The following BRD10 variants were observed in gnomAD, a reference collection of about 807,000 sequenced individuals.
The protein encoded by BRD10 is bromodomain containing 10.
At chr9:5,881,641 G>A in the BRD10 span, 1 of 152,194 alleles carries the variant, frequency 6.6e-6, no homozygotes, top group Admixed American at 6.5e-5. Context: ...GCCCTTTCTT[G>A]TCAGCAAACC....
chr9:5,885,954 C>A, the BRD10 span, among the ~76,000 whole-genome samples: 1 of 152,168 alleles, frequency 6.6e-6, no homozygotes, highest in African/African-American at 2.4e-5. Context: ...TCAGGCATAA[C>A]CCTGAAGTTC....
chr9:5,921,414 T>G, the BRD10 span: 1 of 1,613,976 alleles, frequency 6.2e-7, no homozygotes, highest in South Asian at 1.1e-5. Flanking sequence ...AGAGTTTGTT[T>G]TAATGATTCT....
the BRD10 span, among the ~76,000 whole-genome samples, chr9:5,982,264 C>T: frequency 1.3e-5 from 2 of 152,064 alleles, no homozygotes; most frequent in Non-Finnish European, 2.9e-5. Flanking sequence ...ATATATAAAA[C>T]ATACATTTTC....
the BRD10 span, among the ~76,000 whole-genome samples, chr9:5,945,838 C>T: frequency 1.3e-5 from 2 of 151,584 alleles, no homozygotes; most frequent in South Asian, 2.1e-4. Flanking sequence ...AAACTACAAC[C>T]GAATAGAGAG....
the BRD10 span, among the ~76,000 whole-genome samples, chr9:5,997,502 G>C: frequency 6.6e-6 from 1 of 151,760 alleles, no homozygotes; most frequent in Non-Finnish European, 1.5e-5. Context: ...TAAAGTCACA[G>C]TAATAAAGTT....
the BRD10 span, among the ~76,000 whole-genome samples, chr9:5,961,817 T>A: frequency 6.6e-6 from 1 of 152,156 alleles, no homozygotes; most frequent in African/African-American, 2.4e-5. Flanking sequence ...TTACCCAAAC[T>A]GCCTCAAACT....
At chr9:5,901,527 C>CT in the BRD10 span, among the ~76,000 whole-genome samples, 30 of 151,002 alleles carry the variant, frequency 2.0e-4, no homozygotes, top group South Asian at 2.1e-3. Context: ...TTCTCTTTTT[C>CT]TTTTTTTTTG....
chr9:5,965,512 T>A, the BRD10 span, among the ~76,000 whole-genome samples: 1 of 152,224 alleles, frequency 6.6e-6, no homozygotes, highest in Admixed American at 6.5e-5. Context: ...CTTTGTTTTA[T>A]TTAGTCTAAT....
At chr9:6,008,396 G>A in the BRD10 span, 5 of 689,998 alleles carry the variant, frequency 7.2e-6, no homozygotes, top group South Asian at 6.4e-5. Flanking sequence ...GGGAGAGAAG[G>A]GGGAGGGCAC....
At chr9:5,940,233 G>C in the BRD10 span, among the ~76,000 whole-genome samples, 1 of 152,078 alleles carries the variant, frequency 6.6e-6, no homozygotes, top group Non-Finnish European at 1.5e-5. Context: ...GAGTGCACTG[G>C]TACAATCTTG....
the BRD10 span, among the ~76,000 whole-genome samples, chr9:5,935,486 T>C: frequency 6.6e-6 from 1 of 152,340 alleles, no homozygotes; most frequent in African/African-American, 2.4e-5. Flanking sequence ...GACAATGTGC[T>C]ACCATTTTCA....
the BRD10 span, chr9:5,921,567 A>G: frequency 6.2e-7 from 1 of 1,613,920 alleles, no homozygotes; most frequent in Non-Finnish European, 8.5e-7. Context: ...GATGGAGCTG[A>G]TACCAGCATA....
the BRD10 span, among the ~76,000 whole-genome samples, chr9:5,884,007 C>T: frequency 6.6e-6 from 1 of 152,140 alleles, no homozygotes; most frequent in Admixed American, 6.5e-5. Flanking sequence ...CAGTCTTACA[C>T]ACCAAAAACA....
At chr9:6,007,662 G>A in the BRD10 span, 3 of 1,606,688 alleles carry the variant, frequency 1.9e-6, no homozygotes, top group Non-Finnish European at 2.5e-6. Context: ...TCCTTCCGTG[G>A]GCCGGCCCTG....
chr9:5,937,085 C>T, the BRD10 span, among the ~76,000 whole-genome samples: 1 of 151,642 alleles, frequency 6.6e-6, no homozygotes, highest in South Asian at 2.1e-4. Flanking sequence ...CAAAAATATG[C>T]TGGGTGTGGT....
the BRD10 span, chr9:5,919,951 A>T: frequency 6.2e-6 from 10 of 1,613,904 alleles, no homozygotes; most frequent in Middle Eastern, 1.6e-4. Context: ...AAGATGTCTT[A>T]GCCAAAAGAG....
At chr9:5,909,101 C>T in the BRD10 span, 3 of 246,344 alleles carry the variant, frequency 1.2e-5, no homozygotes, top group Non-Finnish European at 2.4e-5. Context: ...ATGAACTGTA[C>T]ACAGAATTGT....
the BRD10 span, chr9:5,920,110 G>GC: frequency 6.2e-7 from 1 of 1,613,914 alleles, no homozygotes; most frequent in Non-Finnish European, 8.5e-7. Context: ...ATTTTGTAGG[G>GC]CTTCTTAGAG....
chr9:5,968,022 A>G, the BRD10 span: 1 of 1,504,610 alleles, frequency 6.6e-7, no homozygotes, highest in South Asian at 1.3e-5. Flanking sequence ...AGCTTACCAG[A>G]TTTGTGCTTC....
Sources: gnomAD v4.1 joint callset for allele counts (sites outside exome capture counted in the v4.1 genomes callset) on GRCh38, gnomAD v4.1.1 for gene constraint, MANE v1.5 for transcripts, NCBI Gene and HGNC (gene_info 2026-07-23, HGNC 2026-07-21) for gene names.